NR1H4: variants seen among roughly 807,000 people sequenced by gnomAD.
NR1H4 encodes bile acid receptor.
NR1H4 carries 23 observed loss-of-function variants against 58.5 expected under a neutral mutation model. The ratio of observed to expected loss-of-function variants is 0.39; its 90% CI spans 0.28 to 0.56. The LOEUF (loss-of-function observed/expected upper bound fraction) is 0.56. Ranked by LOEUF, NR1H4 falls within the 20% of genes least tolerant of loss-of-function variation. The pLI is 0.58. For synonymous variants in NR1H4, 214 were observed against 198.0 expected, an observed-to-expected ratio of 1.08 and a Z score of -0.68; for missense variants, 487 against 576.9, an observed-to-expected ratio of 0.84 and a Z score of 1.60.
At chr12:100,518,133 T>C (rs1954314117) in intron 4 of NR1H4, among the ~76,000 whole-genome samples, 1 of 152,214 alleles carries the variant, frequency 6.6e-6, no homozygotes, top group African/African-American at 2.4e-5. Flanking sequence ...TTTCTTTCTG[T>C]CTTGTGAACT....
intron 1 of NR1H4, among the ~76,000 whole-genome samples, chr12:100,480,641 G>T (rs1953359242): frequency 6.6e-6 from 1 of 152,118 alleles, no homozygotes; most frequent in Non-Finnish European, 1.5e-5. Flanking sequence ...GGCCATATAT[G>T]TTAGCGGTTT....
chr12:100,539,999 G>A (rs1036466325), intron 8 of NR1H4, among the ~76,000 whole-genome samples: 1 of 152,132 alleles, frequency 6.6e-6, no homozygotes, highest in African/African-American at 2.4e-5. Flanking sequence ...TGGTCAGTGT[G>A]GCTGGAACAC....
chr12:100,547,681 A>C (rs1448795574), intron 9 of NR1H4, among the ~76,000 whole-genome samples: 1 of 151,628 alleles, frequency 6.6e-6, no homozygotes, highest in African/African-American at 2.4e-5. Flanking sequence ...TACCTCCAAC[A>C]GAAGCAATTG....
intron 9 of NR1H4, among the ~76,000 whole-genome samples, chr12:100,549,137 G>C (rs777396138): frequency 6.6e-6 from 1 of 152,094 alleles, no homozygotes; most frequent in Non-Finnish European, 1.5e-5. Flanking sequence ...ACAAGATTGA[G>C]ACCATCCTGG....
chr12:100,563,465 C>T lies in NR1H4; in HGVS notation c.1407C>T (p.Leu469=). ...ACGACCACAAGTTTACCCCACTTCT[C>T]TGTGAAATCTGGGACGTGCAGTGAT... ...RVNDHKFTPL[L]CEIWDVQ is the part of the protein sequence containing the mutation. The change falls in exon 11 of 11, where the codon CTC becomes CTT. Residue 469 remains leucine (L), a synonymous_variant. Coordinates refer to ENST00000392986, the MANE Select transcript of NR1H4 (RefSeq NM_001206979.2). The T allele has an allele frequency of 6.2e-7, 1 of 1,614,146 alleles. No homozygotes were observed. The highest frequency in any genetic ancestry group is 8.5e-7 in the Non-Finnish European group (1 of 1,179,978).
chr12:100,518,458 C>T (rs1239386188), intron 4 of NR1H4, among the ~76,000 whole-genome samples: 1 of 152,112 alleles, frequency 6.6e-6, no homozygotes, highest in East Asian at 1.9e-4. Flanking sequence ...CAAAATTTTT[C>T]CATTGATTTT....
chr12:100,540,546 C>A (rs971782839), intron 8 of NR1H4, 126 bp from the exon 9 acceptor site: 2 of 1,015,782 alleles, frequency 2.0e-6, no homozygotes, highest in Admixed American at 3.6e-5. Flanking sequence ...CAAATGGACT[C>A]AACTAGACTA....
chr12:100,554,721 T>C (rs1249583180), intron 9 of NR1H4, among the ~76,000 whole-genome samples: 1 of 152,134 alleles, frequency 6.6e-6, no homozygotes, highest in East Asian at 1.9e-4. Flanking sequence ...AAAAATCAGG[T>C]AATTGGTCAT....
At position 100,534,935 on chromosome 12, in the gene NR1H4, A is replaced by G. The variant is rs1232146917; in HGVS notation, c.644A>G (p.Asn215Ser). Reference sequence around the variant, plus strand: ...TGTAAATCTAAGCGACTGAGAAAAAATGTGAAGCAGCATGCAGATCAGACC... The same window carrying G: ...TGTAAATCTAAGCGACTGAGAAAAAGTGTGAAGCAGCATGCAGATCAGACC... ...IQCKSKRLRK[N>S]VKQHADQTVN... Residue 215 changes from asparagine to serine, a missense_variant, in exon 6 of 11, where the codon AAT becomes AGT. By Grantham distance (46) the Asn-to-Ser change is conservative (BLOSUM62 1). Transcript: ENST00000392986. The G allele has an allele frequency of 6.2e-7, 1 of 1,614,228 alleles. No homozygotes were observed. The highest frequency in any genetic ancestry group is 8.5e-7 in the Non-Finnish European group (1 of 1,180,038).
rs962367242 is a variant in NR1H4, at chr12:100,563,312, G to A, written c.1254G>A (p.Val418=). 3.1e-6 allele frequency: 5 copies of A among 1,613,994 alleles called. No individual in the cohort carries two copies. In the South Asian group the frequency reaches 3.3e-5, roughly 11 times the overall value. The change falls in exon 11 of 11, where the codon GTG becomes GTA. Residue 418 remains valine, a synonymous_variant. Transcript: ENST00000392986. ...AGCTTCAGGAGCCACTTCTTGATGT[G>A]CTACAAAAGTTGTGTAAGATTCACC... ...VEKLQEPLLD[V]LQKLCKIHQP...
At chr12:100,495,234 G>A (rs1953688430) in intron 3 of NR1H4, among the ~76,000 whole-genome samples, 1 of 152,130 alleles carries the variant, frequency 6.6e-6, no homozygotes, top group South Asian at 2.1e-4. Context: ...TATAGCACAA[G>A]CTGCATGAGC....
rs78876166 is a variant in NR1H4 at position 100,528,403 on chromosome 12, G to A, written c.446-4055G>A. 0.013 allele frequency among the ~76,000 whole-genome samples: 1,976 copies of A among 151,958 alleles called. 117 individuals carry two copies. The East Asian group carries it at 0.15, about 11-fold the overall frequency. ...AAAAAAAGAGGCAGAAAAGCAGTGT[G>A]CAATATTCTGCAGAATCGAGGAATC... On this transcript the variant is annotated intron_variant, in intron 4 of 10. Transcript: ENST00000392986.
chr12:100,536,759 T>G (rs762091953), intron 7 of NR1H4, 149 bp downstream of exon 7: 20 of 678,498 alleles, frequency 2.9e-5, no homozygotes, highest in Non-Finnish European at 4.4e-5. Flanking sequence ...CTCAGCAACA[T>G]TAAACAATTC....
chr12:100,500,694 A>G (rs1308626868), intron 3 of NR1H4, among the ~76,000 whole-genome samples: 2 of 152,082 alleles, frequency 1.3e-5, no homozygotes, highest in Non-Finnish European at 2.9e-5. Context: ...ATAGTGAGTG[A>G]GTTCTCATGA....
At chr12:100,539,704 A>G (rs554960317) in intron 8 of NR1H4, among the ~76,000 whole-genome samples, 1 of 152,378 alleles carries the variant, frequency 6.6e-6, no homozygotes, top group East Asian at 1.9e-4. Flanking sequence ...AAAAGTAAAG[A>G]AAAACAAGGC....
intron 9 of NR1H4, among the ~76,000 whole-genome samples, chr12:100,543,276 G>A (rs1351536422): frequency 6.6e-6 from 1 of 152,136 alleles, no homozygotes; most frequent in African/African-American, 2.4e-5. Context: ...GGCCTTGGAT[G>A]CTGGGCTAAT....
intron 4 of NR1H4, among the ~76,000 whole-genome samples, chr12:100,527,131 G>A (rs1954577832): frequency 6.6e-6 from 1 of 152,192 alleles, no homozygotes; most frequent in Admixed American, 6.5e-5. Flanking sequence ...GTTATGGGCT[G>A]GGCACTTGCC....
chr12:100,550,178 G>C (rs2136286532), intron 9 of NR1H4, among the ~76,000 whole-genome samples: 1 of 152,168 alleles, frequency 6.6e-6, no homozygotes, highest in Non-Finnish European at 1.5e-5. Flanking sequence ...ACGTATATCT[G>C]ATATAATTTG....
At chr12:100,537,761 T>A (rs1954846593) in intron 8 of NR1H4, among the ~76,000 whole-genome samples, 1 of 152,240 alleles carries the variant, frequency 6.6e-6, no homozygotes. Flanking sequence ...TTGCCCAGGC[T>A]GGAGTGCAAT....
Sources: gnomAD v4.1 joint callset for allele counts (sites outside exome capture counted in the v4.1 genomes callset) on GRCh38, gnomAD v4.1.1 for gene constraint, MANE v1.5 for transcripts, NCBI Gene and HGNC (gene_info 2026-07-23, HGNC 2026-07-21) for gene names.